The following KLHL1 variants were observed in gnomAD, a reference collection of about 807,000 sequenced individuals.
KLHL1 encodes the protein kelch-like protein 1.
A neutral mutation model predicts 77.7 loss-of-function variants in KLHL1; 47 were observed. That is an observed-to-expected ratio of 0.60 (90% CI 0.48 to 0.77). The LOEUF is 0.77. KLHL1 is among the 30% of genes least tolerant of loss of function. The pLI is 0.00. For missense variants in KLHL1, 925 were observed against 910.8 expected (o/e 1.02, Z -0.20); for synonymous variants, 360 against 325.2 (o/e 1.11, Z -1.15).
intron 1 of KLHL1, among the ~76,000 whole-genome samples, chr13:70,093,240 G>GA (rs57729265): frequency 6.6e-6 from 1 of 152,042 alleles, no homozygotes; most frequent in Non-Finnish European, 1.5e-5. Context: ...TGAAGTGAGG[G>GA]AAATAGGAAA....
rs550015981 is a variant in KLHL1 at position 69,788,212 on chromosome 13, A to G, written c.1639+8526T>C. On this transcript the variant is annotated intron_variant, in intron 7 of 10. Coordinates refer to ENST00000377844, the MANE Select transcript of KLHL1 (RefSeq NM_020866.3). ...TGCTGCTATAAAGATACATGCACACATATGTTTATTGTGGCACTATTCACA... is the reference window on the plus strand; with the variant it reads ...TGCTGCTATAAAGATACATGCACACGTATGTTTATTGTGGCACTATTCACA... 1.0e-4 allele frequency among the ~76,000 whole-genome samples: 15 copies of G among 148,900 alleles called. No homozygotes were observed. In the South Asian group the frequency reaches 3.1e-3, roughly 31 times the overall value.
chr13:69,978,536 G>T (rs1255488049), intron 1 of KLHL1, among the ~76,000 whole-genome samples: 4 of 150,650 alleles, frequency 2.7e-5, no homozygotes, highest in African/African-American at 9.8e-5. Flanking sequence ...GCCCAGGTTG[G>T]GGTGCAGTTG....
At chr13:70,042,926 G>A (rs1198083790) in intron 1 of KLHL1, among the ~76,000 whole-genome samples, 2 of 152,162 alleles carry the variant, frequency 1.3e-5, no homozygotes, top group African/African-American at 2.4e-5. Context: ...ATATATATGA[G>A]ACTGAGTCTC....
intron 6 of KLHL1, among the ~76,000 whole-genome samples, chr13:69,824,798 T>A (rs983055927): frequency 6.6e-6 from 1 of 152,112 alleles, no homozygotes. Context: ...TCTGGGGTAG[T>A]GGCAATGCTC....
intron 1 of KLHL1, among the ~76,000 whole-genome samples, chr13:70,093,610 A>G (rs927799880): frequency 2.6e-5 from 4 of 152,136 alleles, no homozygotes; most frequent in Admixed American, 1.3e-4. Context: ...TTTGACACAT[A>G]AATTGTGTAT....
intron 4 of KLHL1, among the ~76,000 whole-genome samples, chr13:69,936,629 A>C (rs1164561146): frequency 6.6e-6 from 1 of 151,344 alleles, no homozygotes; most frequent in East Asian, 1.9e-4. Flanking sequence ...TGAACATGCT[A>C]TGATGCTATG....
chr13:70,020,499 C>A lies in KLHL1; in HGVS notation c.498-44697G>T, dbSNP rs549571549. 2.6e-5 allele frequency among the ~76,000 whole-genome samples: 4 copies of A among 152,194 alleles called. No individual in the cohort carries two copies. The East Asian group carries it at 7.7e-4, about 29-fold the overall frequency. ...CTCTGCCTTCATGTTAGGAGTTAAG[C>A]ATTTTCCTCAGTATGCTACATCATA... On this transcript the variant is annotated intron_variant, in intron 1 of 10. Transcript: ENST00000377844.
chr13:69,844,387 C>T (rs1879377940), intron 5 of KLHL1, among the ~76,000 whole-genome samples: 1 of 151,578 alleles, frequency 6.6e-6, no homozygotes, highest in African/African-American at 2.4e-5. Context: ...TGGCCTACTC[C>T]TACTCATTTT....
chr13:69,784,208 C>T (rs199698993), intron 7 of KLHL1, among the ~76,000 whole-genome samples: 81 of 152,212 alleles, frequency 5.3e-4, no homozygotes, highest in East Asian at 7.7e-4. Flanking sequence ...AAGGAAAAAC[C>T]GGTACCAGCC....
intron 6 of KLHL1, among the ~76,000 whole-genome samples, chr13:69,799,103 A>G (rs1252906039): frequency 6.6e-6 from 1 of 152,056 alleles, no homozygotes; most frequent in Non-Finnish European, 1.5e-5. Context: ...GAAAAAAAAA[A>G]AAAGGTTTAC....
At chr13:69,721,996 T>C (rs1455014868) in intron 8 of KLHL1, among the ~76,000 whole-genome samples, 4 of 152,128 alleles carry the variant, frequency 2.6e-5, no homozygotes, top group Non-Finnish European at 4.4e-5. Flanking sequence ...TTCTGTTTCA[T>C]TTAAATTGAT....
At chr13:70,066,407 T>G (rs567574601) in intron 1 of KLHL1, among the ~76,000 whole-genome samples, 2 of 152,168 alleles carry the variant, frequency 1.3e-5, no homozygotes, top group Non-Finnish European at 2.9e-5. Flanking sequence ...AAGTAAGACA[T>G]GTAGAGTGCA....
At chr13:69,957,557 T>C (rs1883931682) in intron 3 of KLHL1, among the ~76,000 whole-genome samples, 1 of 151,766 alleles carries the variant, frequency 6.6e-6, no homozygotes, top group Non-Finnish European at 1.5e-5. Context: ...TTACATTGTG[T>C]CTTTTTCTAA....
chr13:69,805,911 A>T (rs1877597485), intron 6 of KLHL1, among the ~76,000 whole-genome samples: 1 of 151,928 alleles, frequency 6.6e-6, no homozygotes, highest in South Asian at 2.1e-4. Context: ...TAGGAAGTAA[A>T]TTATTTAAAA....
chr13:69,889,463 C>G (rs1032603841), intron 4 of KLHL1, among the ~76,000 whole-genome samples: 3 of 152,092 alleles, frequency 2.0e-5, no homozygotes, highest in Admixed American at 2.0e-4. Context: ...GCCTATGACA[C>G]TTTCCATTAC....
At chr13:70,058,008 G>A (rs1886791584) in intron 1 of KLHL1, among the ~76,000 whole-genome samples, 1 of 152,002 alleles carries the variant, frequency 6.6e-6, no homozygotes, top group African/African-American at 2.4e-5. Flanking sequence ...AATTTCAATT[G>A]ATGCTGACAA....
chr13:69,907,493 T>C (rs932252961), intron 4 of KLHL1, among the ~76,000 whole-genome samples: 3 of 152,008 alleles, frequency 2.0e-5, no homozygotes, highest in Non-Finnish European at 4.4e-5. Flanking sequence ...TGTGTTTATA[T>C]GTAAATTTAG....
chr13:69,725,717 G>A (rs764304508), intron 8 of KLHL1, among the ~76,000 whole-genome samples: 6 of 152,036 alleles, frequency 3.9e-5, no homozygotes, highest in Non-Finnish European at 5.9e-5. Flanking sequence ...AAAGAAAAGC[G>A]GTCACCAATG....
intron 1 of KLHL1, among the ~76,000 whole-genome samples, chr13:70,084,621 G>T (rs1887480803): frequency 1.5e-4 from 1 of 6,598 alleles, no homozygotes; most frequent in Non-Finnish European, 3.0e-4. Flanking sequence ...ACCACGCCAG[G>T]CTTTTTTTTT....
Sources: allele counts gnomAD v4.1 joint callset (sites outside exome capture counted in the v4.1 genomes callset), GRCh38; gene constraint gnomAD v4.1.1; transcripts MANE v1.5; gene names NCBI Gene and HGNC (gene_info 2026-07-23, HGNC 2026-07-21).